The following C6orf132 variants were observed in gnomAD, a reference collection of about 807,000 sequenced individuals.
C6orf132 encodes chromosome 6 open reading frame 132, also known as uncharacterized protein C6orf132.
C6orf132 carries 43 observed loss-of-function variants against 65.3 expected under a neutral mutation model. The observed-to-expected ratio is 0.66, with a 90% CI of 0.52 to 0.85. C6orf132 has a LOEUF of 0.85. C6orf132 is among the 40% of genes least tolerant of loss of function. The pLI is 0.00. For synonymous variants in C6orf132, 631 were observed against 654.1 expected (o/e 0.96, Z 0.54); for missense variants, 1,488 against 1,548.8 (o/e 0.96, Z 0.66).
In C6orf132 at chr6:42,105,041, G is replaced by A. The variant is rs1336753217; in HGVS notation, c.2871C>T (p.Gly957=). The change falls in exon 4 of 5, where the codon GGC becomes GGT. Residue 957 remains glycine (G), a synonymous_variant. Coordinates refer to ENST00000341865, the MANE Select transcript of C6orf132 (RefSeq NM_001164446.3). ...AGGAGAAGGACTTGGGCAGCGGGTG[G>A]CCCTGGGGGAGGTTGGAGGGAGCTA... ...ERVAPSNLPQ[G]HPLPKSFSSP... is the part of the protein sequence containing the mutation. The A allele has an allele frequency of 6.5e-7, 1 of 1,536,278 alleles. No homozygotes were observed. The highest frequency in any genetic ancestry group is 2.0e-5 in the Admixed American group (1 of 50,782).
chr6:42,115,938 T>C (rs960656962), intron 2 of C6orf132, among the ~76,000 whole-genome samples: 1 of 145,592 alleles, frequency 6.9e-6, no homozygotes, highest in East Asian at 2.0e-4. Context: ...CTTTTTCTTT[T>C]TTTTTTTTTT....
intron 3 of C6orf132, 53 bp downstream of exon 3, chr6:42,110,163 G>T: frequency 7.0e-7 from 1 of 1,430,604 alleles, no homozygotes; most frequent in Non-Finnish European, 9.5e-7. Flanking sequence ...TTTGAACTCA[G>T]GGCCCTAGGA....
intron 2 of C6orf132, among the ~76,000 whole-genome samples, chr6:42,117,249 T>C (rs775830846): frequency 2.6e-5 from 4 of 152,198 alleles, no homozygotes; most frequent in Non-Finnish European, 5.9e-5. Context: ...ACTTCACATA[T>C]AGCAACCCAG....
intron 1 of C6orf132, among the ~76,000 whole-genome samples, chr6:42,129,106 G>A (rs975654217): frequency 3.9e-5 from 6 of 152,228 alleles, no homozygotes; most frequent in African/African-American, 4.8e-5. Context: ...TTGGAGCCCA[G>A]GAAGCCCGGC....
At position 42,105,839 on chromosome 6, in the gene C6orf132, T is replaced by C. The variant is rs370462829; in HGVS notation, c.2073A>G (p.Ile691Met). Residue 691 changes from isoleucine (I) to methionine (M), a missense_variant, in exon 4 of 5, where the codon ATA becomes ATG. Physicochemically the swap from Ile to Met is conservative, Grantham distance 10 (BLOSUM62 1). Transcript: ENST00000341865. ...TPLKATSGPA[I>M]ASTATTLPTT... ...TGGGCAGAGTTGTGGCTGTAGATGC[T>C]ATGGCAGGGCCAGATGTGGCCTTGA... 6.5e-7 allele frequency: 1 copy of C among 1,537,270 alleles called. No homozygotes were observed. Among genetic ancestry groups the C allele is most frequent in the Non-Finnish European group, 8.7e-7 (1 of 1,146,908 alleles).
At chr6:42,110,145 G>A (rs748079253) in intron 3 of C6orf132, 71 bp downstream of exon 3, 5 of 1,261,634 alleles carry the variant, frequency 4.0e-6, no homozygotes, top group Non-Finnish European at 5.5e-6. Flanking sequence ...ATGAGCAGAT[G>A]CTTAGCTTTT....
intron 1 of C6orf132, among the ~76,000 whole-genome samples, chr6:42,139,067 C>T (rs1766995095): frequency 6.6e-6 from 1 of 152,212 alleles, no homozygotes; most frequent in Non-Finnish European, 1.5e-5. Flanking sequence ...TACCCTTGTG[C>T]AAACAGATTT....
At chr6:42,142,172 G>A in intron 1 of C6orf132, 128 bp downstream of exon 1, 4 of 1,061,566 alleles carry the variant, frequency 3.8e-6, no homozygotes, top group Non-Finnish European at 5.3e-6. Context: ...CTGCCCGGCG[G>A]CTGCTCTCGG....
At chr6:42,125,083 G>A (rs1224655406) in intron 2 of C6orf132, among the ~76,000 whole-genome samples, 1 of 152,208 alleles carries the variant, frequency 6.6e-6, no homozygotes, top group Non-Finnish European at 1.5e-5. Flanking sequence ...AGTGGCAAGA[G>A]GCCTGGTGCC....
Position 42,128,846 on chromosome 6 carries a change from C to A in C6orf132, c.146-68G>T, listed in dbSNP as rs371136946. The stretch of plus-strand genomic sequence containing the variant: ...AGGCATCCGGCCACCCAAGTTTAAT[C>A]TGCCCTTCAGCTCCCAGTGAGGAAA... On this transcript the variant is annotated intron_variant, in intron 1 of 4. Coordinates refer to ENST00000341865, the MANE Select transcript of C6orf132 (RefSeq NM_001164446.3). 5.0e-5 allele frequency: 60 copies of A among 1,193,228 alleles called. No individual in the cohort carries two copies. In the African/African-American group the frequency reaches 7.4e-4, roughly 15 times the overall value. The allele number at this position is 1,193,228 out of a possible 1,614,324, so 73.9% of individuals were successfully genotyped here. A position where few individuals can be genotyped will look rare whatever the true frequency, so the allele number is the denominator to read the frequency against.
rs1417517285 is a variant in C6orf132, at chr6:42,106,089, T to C, written c.1823A>G (p.Asp608Gly). The C allele has an allele frequency of 1.3e-6, 2 of 1,537,234 alleles. No individual in the cohort carries two copies. Among genetic ancestry groups the C allele is most frequent in the Non-Finnish European group, 1.7e-6 (2 of 1,146,902 alleles). Residue 608 changes from aspartate (D) to glycine (G), a missense_variant, in exon 4 of 5, where the codon GAC becomes GGC. By Grantham distance (94) the Asp-to-Gly change is moderately conservative. Transcript: ENST00000341865. ...CTTGGCCACAGGCTTGGAGAGTTTG[T>C]CATCATCAGCCCCGTTTTCACAAAT... ...GRICENGADD[D>G]KLSKPVAKNL...
intron 2 of C6orf132, among the ~76,000 whole-genome samples, chr6:42,113,559 A>G (rs1338351250): frequency 6.6e-6 from 1 of 152,250 alleles, no homozygotes; most frequent in Non-Finnish European, 1.5e-5. Flanking sequence ...TCACGCCTGT[A>G]ATCCCAGCAC....
chr6:42,110,578 C>T (rs1467375044), intron 2 of C6orf132, among the ~76,000 whole-genome samples: 1 of 152,128 alleles, frequency 6.6e-6, no homozygotes, highest in African/African-American at 2.4e-5. Flanking sequence ...GGGTTAGGTT[C>T]CTATGAGCCT....
rs1582269056 is a variant in C6orf132 at position 42,106,721 on chromosome 6, G to A, written c.1191C>T (p.Pro397=). The change falls in exon 4 of 5, where the codon CCC becomes CCT. Residue 397 remains proline (P), a synonymous_variant. Coordinates refer to ENST00000341865, the MANE Select transcript of C6orf132 (RefSeq NM_001164446.3). ...AGTPPPAPPL[P]PPAPPLPPPA... ...GGGGAGGGAGGGGGGGTGCAGGAGG[G>A]GGCAGGGGAGGGGCTGGAGGCGGAG... The A allele has an allele frequency of 1.5e-6, 2 of 1,333,534 alleles. No individual in the cohort carries two copies. Among genetic ancestry groups the A allele is most frequent in the Non-Finnish European group, 2.0e-6 (2 of 978,570 alleles). The allele number at this position is 1,333,534 out of a possible 1,614,324, so 82.6% of individuals were successfully genotyped here. A position where few individuals can be genotyped will look rare whatever the true frequency, so the allele number is the denominator to read the frequency against.
At position 42,105,402 on chromosome 6, in the gene C6orf132, G is replaced by A. The variant is rs953381778; in HGVS notation, c.2510C>T (p.Ser837Leu). 1.3e-6 allele frequency: 2 copies of A among 1,535,662 alleles called. No homozygotes were observed. The highest frequency in any genetic ancestry group is 1.7e-6 in the Non-Finnish European group (2 of 1,146,358). Reference sequence around the variant, plus strand: ...GGCCGCCAGGAGCAGGGCCATCGGCGAGCCCCGCTCCACCACCTCCCCAGT... The same window carrying A: ...GGCCGCCAGGAGCAGGGCCATCGGCAAGCCCCGCTCCACCACCTCCCCAGT... Reference protein sequence around the residue: ...PVTGEVVERGSPMALLLAARQ... With the variant: ...PVTGEVVERGLPMALLLAARQ... Residue 837 changes from serine (S) to leucine (L), a missense_variant, in exon 4 of 5, where the codon TCG becomes TTG. Ser to Leu is a moderately radical substitution (Grantham distance 145). Transcript: ENST00000341865.
At chr6:42,126,226 G>A (rs1400458416) in intron 2 of C6orf132, among the ~76,000 whole-genome samples, 4 of 151,832 alleles carry the variant, frequency 2.6e-5, no homozygotes, top group African/African-American at 2.4e-5. Context: ...GATTACAGGT[G>A]TGTGCCACCA....
Position 42,102,246 on chromosome 6 carries a change from T to G in C6orf132, c.*1515A>C, listed in dbSNP as rs1766299580. 1 of 100,182 alleles carries G rather than the reference T, an allele frequency of 1.0e-5. No individual in the cohort carries two copies. The highest frequency in any genetic ancestry group is 1.0e-4 in the Admixed American group (1 of 9,596). The allele number at this position is 100,182 out of a possible 1,614,324, so 6.2% of individuals were successfully genotyped here. A position where few individuals can be genotyped will look rare whatever the true frequency, so the allele number is the denominator to read the frequency against. ...CTTTTTTTTTTTTTTTTTTTTTTTTTGAGACGAGTCTCGCTCTGTCGCCAG... is the reference window on the plus strand; with the variant it reads ...CTTTTTTTTTTTTTTTTTTTTTTTTGGAGACGAGTCTCGCTCTGTCGCCAG... On this transcript the variant is annotated 3_prime_UTR_variant, in exon 5 of 5. Coordinates refer to ENST00000341865, the MANE Select transcript of C6orf132 (RefSeq NM_001164446.3).
rs184301397 is a variant in C6orf132 at position 42,104,282 on chromosome 6, G to C, written c.3449+181C>G. On this transcript the variant is annotated intron_variant, in intron 4 of 4. Transcript: ENST00000341865. This position sits in a 1 kb window ranked among gnomAD's most constrained non-coding sequence, Gnocchi z 4.1. Reference sequence around the variant, plus strand: ...GGGAAAGAGAAGGGAGGTCAGGAGGGAGGTCAGGAAGGCGCCAACAGCGCC... The same window carrying C: ...GGGAAAGAGAAGGGAGGTCAGGAGGCAGGTCAGGAAGGCGCCAACAGCGCC... Among the ~76,000 whole-genome samples, 2,383 of 152,356 alleles carry C rather than the reference G, an allele frequency of 0.016. 68 individuals carry two copies. Among genetic ancestry groups the C allele is most frequent in the African/African-American group, 0.055 (2,273 of 41,584 alleles).
At chr6:42,120,873 G>A (rs1005722938) in intron 2 of C6orf132, among the ~76,000 whole-genome samples, 3 of 152,064 alleles carry the variant, frequency 2.0e-5, no homozygotes, top group Non-Finnish European at 4.4e-5. Flanking sequence ...CTCCCACCTC[G>A]GGCTCCCAAA....
Sources: gnomAD v4.1 joint callset for allele counts (sites outside exome capture counted in the v4.1 genomes callset) on GRCh38, gnomAD v4.1.1 for gene constraint, Gnocchi (gnomAD v3.1) non-coding constraint, MANE v1.5 for transcripts, NCBI Gene and HGNC (gene_info 2026-07-23, HGNC 2026-07-21) for gene names.